Variants in DNAH1 observed in about 807,000 individuals in gnomAD.
DNAH1 encodes the protein axonemal beta dynein heavy chain 1.
In DNAH1, 327 loss-of-function variants were observed where a neutral mutation model predicts 484.3. That is an observed-to-expected ratio of 0.68 (90% CI 0.62 to 0.74). The LOEUF is 0.74. Ranked by LOEUF, DNAH1 falls within the 30% of genes least tolerant of loss-of-function variation. The pLI, the probability that DNAH1 is intolerant of heterozygous loss-of-function variation, is 0.00. For synonymous variants in DNAH1, 2,192 were observed against 2,191.9 expected, an observed-to-expected ratio of 1.00 and a Z score of 0.00; for missense variants, 5,052 against 5,546.8, an observed-to-expected ratio of 0.91 and a Z score of 2.83.
At chr3:52,363,870 G>A (rs1041018563) in intron 32 of DNAH1, among the ~76,000 whole-genome samples, 4 of 152,170 alleles carry the variant, frequency 2.6e-5, no homozygotes, top group Non-Finnish European at 5.9e-5. Context: ...TAGAAGAGAT[G>A]CAGCCTGTTA....
Position 52,395,185 on chromosome 3 carries a change from C to T in DNAH1, c.10969-123C>T. 6.7e-7 allele frequency: 1 copy of T among 1,493,550 alleles called. No homozygotes were observed. The highest frequency in any genetic ancestry group is 9.0e-7 in the Non-Finnish European group (1 of 1,112,816). 92.5% of individuals were successfully genotyped at this position (1,493,550 alleles called of 1,614,324 possible). On this transcript the variant is annotated intron_variant, in intron 68 of 77. Transcript: ENST00000420323. This position sits in a 1 kb window ranked among gnomAD's most constrained non-coding sequence, Gnocchi z 4.4. Reference sequence around the variant, plus strand: ...GACCCCTGCTTGCTCCCTAAAGGCTCTGAGGTTCCAGCCCCCACCAGGAAG... The same window carrying T: ...GACCCCTGCTTGCTCCCTAAAGGCTTTGAGGTTCCAGCCCCCACCAGGAAG...
chr3:52,350,192 G>A (rs913610793), intron 15 of DNAH1, 84 bp downstream of exon 15: 2 of 1,550,722 alleles, frequency 1.3e-6, no homozygotes, highest in East Asian at 2.4e-5. Flanking sequence ...CAGGGGCTGG[G>A]AGGTCGGACT....
Position 52,385,394 on chromosome 3 carries a change from C to T in DNAH1, c.8572C>T (p.Pro2858Ser). 6.4e-7 allele frequency: 1 copy of T among 1,552,910 alleles called. No homozygotes were observed. The highest frequency in any genetic ancestry group is 8.7e-7 in the Non-Finnish European group (1 of 1,147,700). ...KMQEDLESMH[P>S]LLEEAAKDTM... ...GCAGGAGGACCTGGAGAGTATGCAC[C>T]CCCTGCTGGAGGAGGCTGCCAAGGA... Residue 2858 changes from proline to serine, a missense_variant, in exon 54 of 78, where the codon CCC (proline) becomes TCC (serine). Physicochemically the swap from Pro to Ser is moderately conservative, Grantham distance 74 (BLOSUM62 -1). Around this residue, in one of 4 missense-constraint regions of DNAH1, gnomAD observed 2,929 missense variants for 3,409.4 expected, o/e 0.86. Coordinates refer to ENST00000420323, the MANE Select transcript of DNAH1 (RefSeq NM_015512.5).
upstream of DNAH1, among the ~76,000 whole-genome samples, chr3:52,311,884 G>A (rs549179167): frequency 1.3e-5 from 2 of 152,310 alleles, no homozygotes; most frequent in East Asian, 1.9e-4. Flanking sequence ...CGCCAAAGCC[G>A]GGCATACAAT....
In DNAH1 at chr3:52,388,589, C is replaced by T. The variant is rs185397176; in HGVS notation, c.9343C>T (p.Arg3115Trp). The T allele has an allele frequency of 1.6e-3, 2,651 of 1,612,022 alleles. 3 individuals carry two copies. The highest frequency in any genetic ancestry group is 1.9e-3 in the Non-Finnish European group (2,295 of 1,179,378). Reference sequence around the variant, plus strand: ...GCTGAAGTGTGAGCAGTGTGAGCAGCGGCTGGGCCGAGCTGGCAAGGTGCG... The same window carrying T: ...GCTGAAGTGTGAGCAGTGTGAGCAGTGGCTGGGCCGAGCTGGCAAGGTGCG... ...LELKCEQCEQRLGRAGKLING... is the reference protein window; with the variant it reads ...LELKCEQCEQWLGRAGKLING... Residue 3115 changes from arginine to tryptophan, a missense_variant, in exon 58 of 78, where the codon CGG (arginine) becomes TGG (tryptophan). Arg to Trp is a moderately radical substitution (Grantham distance 101). This residue lies in a region of DNAH1 where 2,929 missense variants were observed against 3,409.4 expected (regional missense o/e 0.86). Transcript: ENST00000420323.
chr3:52,352,472 G>A, intron 17 of DNAH1, 80 bp from the exon 18 acceptor site: 1 of 1,537,350 alleles, frequency 6.5e-7, no homozygotes, highest in Admixed American at 1.9e-5. Context: ...TGGGACCTCT[G>A]GTTCCCTGGG....
At chr3:52,321,678 C>T (rs2153222678) in intron 1 of DNAH1, 1 of 152,392 alleles carries the variant, frequency 6.6e-6, no homozygotes, top group African/African-American at 2.4e-5. Context: ...CTGGCGGCAT[C>T]TGCTGCTCCC....
In DNAH1 at chr3:52,354,884, C is replaced by G; in HGVS notation, c.3522C>G (p.Phe1174Leu). ...AGAAGGAGTGGTCGACCATCCTGTT[C>G]AATGTACTGCCCTACAAGGCGACAG... Reference protein sequence around the residue: ...KMEKEWSTILFNVLPYKATDT... With the variant: ...KMEKEWSTILLNVLPYKATDT... Residue 1174 changes from phenylalanine (F) to leucine (L), a missense_variant, in exon 21 of 78, where the codon TTC (phenylalanine) becomes TTG (leucine). By Grantham distance (22) the Phe-to-Leu change is conservative. Around this residue, in one of 4 missense-constraint regions of DNAH1, gnomAD observed 2,929 missense variants for 3,409.4 expected, o/e 0.86. Transcript: ENST00000420323. 6.2e-7 allele frequency: 1 copy of G among 1,613,960 alleles called. No individual in the cohort carries two copies. The highest frequency in any genetic ancestry group is 2.2e-5 in the East Asian group (1 of 44,874).
chr3:52,389,615 G>A, intron 60 of DNAH1, 29 bp downstream of exon 60: 1 of 1,408,216 alleles, frequency 7.1e-7, no homozygotes, highest in South Asian at 1.5e-5. Flanking sequence ...GGAGTGCCCA[G>A]GCAGGGCCTG....
rs935521051 is a variant in DNAH1, at chr3:52,393,553, T to C, written c.10626+68T>C. Reference sequence around the variant, plus strand: ...CCTGTGGCAGGGCCTGAGAACAGGGTGGAAGGAAAGGGAAAGCCAGGCATG... The same window carrying C: ...CCTGTGGCAGGGCCTGAGAACAGGGCGGAAGGAAAGGGAAAGCCAGGCATG... On this transcript the variant is annotated intron_variant, in intron 66 of 77. Transcript: ENST00000420323. 16 of 1,588,384 alleles carry C rather than the reference T, an allele frequency of 1.0e-5. No individual in the cohort carries two copies. The Admixed American group carries it at 2.6e-4, about 25-fold the overall frequency.
At chr3:52,367,392 G>A (rs1031618750) in intron 36 of DNAH1, among the ~76,000 whole-genome samples, 7 of 152,068 alleles carry the variant, frequency 4.6e-5, no homozygotes, top group Admixed American at 2.0e-4. Flanking sequence ...TGGGAGCCCT[G>A]TAGGGGATGG....
chr3:52,379,256 C>T lies in DNAH1; in HGVS notation c.7377+476C>T, dbSNP rs1559551613. Among the ~76,000 whole-genome samples the T allele has an allele frequency of 6.6e-6, 1 of 152,102 alleles. No homozygotes were observed. Among genetic ancestry groups the T allele is most frequent in the Non-Finnish European group, 1.5e-5 (1 of 68,028 alleles). Reference sequence around the variant, plus strand: ...CCGTGTGGGTGGGCGGGGGACAGACCTGCACTTTGGAATGGGACTGAGCGG... The same window carrying T: ...CCGTGTGGGTGGGCGGGGGACAGACTTGCACTTTGGAATGGGACTGAGCGG... On this transcript the variant is annotated intron_variant, in intron 47 of 77. Transcript: ENST00000420323. The surrounding 1 kb of genome is among the most constrained non-coding windows in gnomAD (Gnocchi z 4.4).
rs749833949 is a variant in DNAH1, at chr3:52,350,017, G to C, written c.2555G>C (p.Arg852Pro). Residue 852 changes from arginine (R) to proline (P), a missense_variant, in exon 15 of 78, where the codon CGC (arginine) becomes CCC (proline). Arg to Pro is a moderately radical substitution (Grantham distance 103, BLOSUM62 -2). This residue lies in a region of DNAH1 where 1,263 missense variants were observed against 1,218.8 expected (regional missense o/e 1.04). Coordinates refer to ENST00000420323, the MANE Select transcript of DNAH1 (RefSeq NM_015512.5). ...SICEEFRSISRKIYEKPNSIE... is the reference protein window; with the variant it reads ...SICEEFRSISPKIYEKPNSIE... ...TGCGAGGAGTTCCGCAGCATCAGCCGCAAGATCTATGAGAAGCCCAACAGC... is the reference window on the plus strand; with the variant it reads ...TGCGAGGAGTTCCGCAGCATCAGCCCCAAGATCTATGAGAAGCCCAACAGC... 1 of 1,612,550 alleles carries C rather than the reference G, an allele frequency of 6.2e-7. No individual in the cohort carries two copies. The highest frequency in any genetic ancestry group is 8.5e-7 in the Non-Finnish European group (1 of 1,179,450).
At chr3:52,312,003 A>G (rs1700783503), upstream of DNAH1, among the ~76,000 whole-genome samples, 1 of 152,158 alleles carries the variant, frequency 6.6e-6, no homozygotes, top group Non-Finnish European at 1.5e-5. Flanking sequence ...TCCCAGCCCA[A>G]GCTCCCTCCC....
In DNAH1 at chr3:52,349,448, G is replaced by C. The variant is rs763891275; in HGVS notation, c.2526+28G>C. 5 of 1,596,414 alleles carry C rather than the reference G, an allele frequency of 3.1e-6. No homozygotes were observed. The East Asian group carries it at 8.9e-5, about 29-fold the overall frequency. On this transcript the variant is annotated intron_variant, in intron 14 of 77. Coordinates refer to ENST00000420323, the MANE Select transcript of DNAH1 (RefSeq NM_015512.5). ...AAGTGCCCACCTGCCCCGCCTCAGTGACCACAGCAGCACACACCACAGCAG... is the reference window on the plus strand; with the variant it reads ...AAGTGCCCACCTGCCCCGCCTCAGTCACCACAGCAGCACACACCACAGCAG...
chr3:52,400,252 C>T (rs1475276807), intron 77 of DNAH1, 73 bp from the exon 78 acceptor site: 2 of 1,588,838 alleles, frequency 1.3e-6, no homozygotes, highest in Non-Finnish European at 1.7e-6. Context: ...CTGCCCACTG[C>T]CCTGCCCCTA....
At chr3:52,328,100 C>A in intron 6 of DNAH1, 86 bp downstream of exon 6, 1 of 1,548,890 alleles carries the variant, frequency 6.5e-7, no homozygotes. Context: ...TGGGACCTGG[C>A]AGCCACCGGA....
chr3:52,390,516 C>T (rs1704324323), intron 60 of DNAH1, among the ~76,000 whole-genome samples: 1 of 152,158 alleles, frequency 6.6e-6, no homozygotes, highest in Non-Finnish European at 1.5e-5. Flanking sequence ...AGAGAGGTAA[C>T]CAAGAGGCCA....
intron 60 of DNAH1, among the ~76,000 whole-genome samples, chr3:52,390,067 G>A (rs1704306250): frequency 6.6e-6 from 1 of 152,164 alleles, no homozygotes; most frequent in Admixed American, 6.5e-5. Flanking sequence ...GTTGCAGTGA[G>A]CAGAGATTGC....
Sources: allele counts gnomAD v4.1 joint callset (sites outside exome capture counted in the v4.1 genomes callset), GRCh38; gene constraint gnomAD v4.1.1; regional missense constraint gnomAD v4.1.1; non-coding constraint Gnocchi (gnomAD v3.1); transcripts MANE v1.5; gene names NCBI Gene and HGNC (gene_info 2026-07-23, HGNC 2026-07-21).